Variants in RETREG3 observed in about 807,000 individuals in gnomAD.
The protein encoded by RETREG3 is reticulophagy regulator family member 3.
In RETREG3, 23 loss-of-function variants were observed where a neutral mutation model predicts 50.2. The ratio of observed to expected loss-of-function variants is 0.46; its 90% CI spans 0.33 to 0.65. The LOEUF is 0.65. Ranked by LOEUF, RETREG3 falls within the 30% of genes least tolerant of loss-of-function variation. The probability of loss-of-function intolerance (pLI) is 0.02; values close to 1 mark genes in which losing one functional copy is unlikely to be tolerated. For missense variants in RETREG3, 546 were observed against 598.0 expected, an observed-to-expected ratio of 0.91 and a Z score of 0.91; for synonymous variants, 240 against 234.4, an observed-to-expected ratio of 1.02 and a Z score of -0.22.
At chr17:42,586,188 G>T (rs762632599) in intron 4 of RETREG3, 51 bp from the exon 5 acceptor site, 1 of 1,574,118 alleles carries the variant, frequency 6.4e-7, no homozygotes, top group South Asian at 1.1e-5. Flanking sequence ...CAGGGGACTG[G>T]GGTGGGTGTG....
At position 42,585,161 on chromosome 17, in the gene RETREG3, G is replaced by A. The variant is rs767410129; in HGVS notation, c.691C>T (p.Arg231Cys). Reference protein sequence around the residue: ...PALQRLDFSVRGYMMSKQRER... With the variant: ...PALQRLDFSVCGYMMSKQRER... ...CTCTGCTTGGACATCATGTAGCCAC[G>A]GACACTGAAGTCTAGCCGCTGCAGA... Residue 231 changes from arginine (R) to cysteine (C), a missense_variant, in exon 6 of 9, where the codon CGT becomes TGT. Coordinates refer to ENST00000309428, the MANE Select transcript of RETREG3 (RefSeq NM_178126.4). The A allele has an allele frequency of 7.4e-6, 12 of 1,613,462 alleles. No individual in the cohort carries two copies. Among genetic ancestry groups the A allele is most frequent in the Non-Finnish European group, 4.2e-6 (5 of 1,180,034 alleles).
At chr17:42,586,184 A>C in intron 4 of RETREG3, 47 bp from the exon 5 acceptor site, 1 of 1,588,508 alleles carries the variant, frequency 6.3e-7, no homozygotes, top group Non-Finnish European at 8.6e-7. Flanking sequence ...ATGGCAGGGG[A>C]CTGGGGTGGG....
intron 1 of RETREG3, among the ~76,000 whole-genome samples, chr17:42,597,191 CT>C (rs35711566): frequency 1.0e-3 from 136 of 129,988 alleles, no homozygotes; most frequent in East Asian, 3.5e-3. Context: ...TCTATTTTTT[CT>C]TTTTTTTTTT....
chr17:42,600,134 A>G (rs1042983875), intron 1 of RETREG3, among the ~76,000 whole-genome samples: 1 of 152,062 alleles, frequency 6.6e-6, no homozygotes, highest in Non-Finnish European at 1.5e-5. Context: ...TGTAATCCCA[A>G]TACTTTGGGA....
chr17:42,595,663 TTTC>T (rs1244092678), intron 1 of RETREG3, among the ~76,000 whole-genome samples: 2 of 149,262 alleles, frequency 1.3e-5, no homozygotes, highest in Non-Finnish European at 3.0e-5. Context: ...TATTTCTTTC[TTTC>T]TTTTTTTTTT....
intron 1 of RETREG3, among the ~76,000 whole-genome samples, chr17:42,600,242 G>T (rs1368519687): frequency 6.6e-6 from 1 of 152,016 alleles, no homozygotes; most frequent in Non-Finnish European, 1.5e-5. Context: ...CATTAGCTAG[G>T]TGTGGTGGTG....
chr17:42,595,413 T>C (rs2093142134), intron 1 of RETREG3, among the ~76,000 whole-genome samples: 1 of 151,682 alleles, frequency 6.6e-6, no homozygotes, highest in South Asian at 2.1e-4. Context: ...CCTTTTTTTT[T>C]TCTTCAGAGT....
chr17:42,592,517 C>G (rs2093135268), intron 1 of RETREG3, among the ~76,000 whole-genome samples: 1 of 152,082 alleles, frequency 6.6e-6, no homozygotes, highest in Non-Finnish European at 1.5e-5. Context: ...CAAATTAGAC[C>G]CTAGTGTAGG....
intron 1 of RETREG3, among the ~76,000 whole-genome samples, chr17:42,593,375 C>T (rs964926614): frequency 2.6e-5 from 4 of 151,982 alleles, no homozygotes; most frequent in African/African-American, 9.7e-5. Flanking sequence ...TGAGGCCAGG[C>T]GTGGTGGTTC....
chr17:42,606,540 G>A (rs556777515), intron 1 of RETREG3, among the ~76,000 whole-genome samples: 10 of 151,538 alleles, frequency 6.6e-5, no homozygotes, highest in Non-Finnish European at 1.0e-4. Flanking sequence ...GGCAGAGCTT[G>A]CAGTGGGCCG....
intron 6 of RETREG3, among the ~76,000 whole-genome samples, chr17:42,584,312 A>C (rs1489227885): frequency 6.6e-6 from 1 of 152,156 alleles, no homozygotes; most frequent in Admixed American, 6.5e-5. Flanking sequence ...GGCCTTGGTG[A>C]CCAAGTGCAG....
chr17:42,594,970 T>TC (rs1217682091), intron 1 of RETREG3, among the ~76,000 whole-genome samples: 1 of 146,254 alleles, frequency 6.8e-6, no homozygotes, highest in African/African-American at 2.5e-5. Context: ...TTACTTTTTT[T>TC]TTTTTTTTTT....
At chr17:42,601,750 A>G (rs1455451991) in intron 1 of RETREG3, among the ~76,000 whole-genome samples, 1 of 143,382 alleles carries the variant, frequency 7.0e-6, no homozygotes, top group Non-Finnish European at 1.5e-5. Flanking sequence ...CTCCTGCCTC[A>G]GCCTCCCAAG....
chr17:42,593,522 C>T (rs1279419092), intron 1 of RETREG3, among the ~76,000 whole-genome samples: 53 of 151,790 alleles, frequency 3.5e-4, no homozygotes, highest in Non-Finnish European at 1.5e-5. Context: ...TGGTGGCGGG[C>T]GCCTGTAGTC....
intron 2 of RETREG3, among the ~76,000 whole-genome samples, chr17:42,591,791 T>C (rs2093133798): frequency 6.6e-6 from 1 of 152,190 alleles, no homozygotes; most frequent in Non-Finnish European, 1.5e-5. Context: ...GACTACTTAT[T>C]CCTCAGGCCA....
intron 1 of RETREG3, among the ~76,000 whole-genome samples, chr17:42,604,706 A>C (rs567139205): frequency 7.9e-5 from 12 of 151,816 alleles, no homozygotes; most frequent in African/African-American, 2.2e-4. Flanking sequence ...AAAAAAAAAA[A>C]AAAAAAAAAA....
chr17:42,590,071 G>A (rs2093129455), intron 2 of RETREG3, among the ~76,000 whole-genome samples: 1 of 152,074 alleles, frequency 6.6e-6, no homozygotes, highest in Non-Finnish European at 1.5e-5. Context: ...GGGCGTAGTG[G>A]TGCACGCCTG....
intron 4 of RETREG3, chr17:42,586,543 C>T (rs2093121584): frequency 4.3e-6 from 2 of 463,602 alleles, no homozygotes; most frequent in Non-Finnish European, 7.7e-6. Flanking sequence ...AGCAAGAAAA[C>T]GGCCTCATCT....
intron 8 of RETREG3, 33 bp from the exon 9 acceptor site, chr17:42,582,303 ACCTACCTGGCCCT>A: frequency 1.3e-6 from 2 of 1,569,206 alleles, no homozygotes; most frequent in Non-Finnish European, 1.7e-6. Flanking sequence ...GAGTCATGGC[ACCTACCTGGCCCT>A]CCTGTGCCCC....
Sources: gnomAD v4.1 joint callset for allele counts (sites outside exome capture counted in the v4.1 genomes callset) on GRCh38, gnomAD v4.1.1 for gene constraint, MANE v1.5 for transcripts, NCBI Gene and HGNC (gene_info 2026-07-23, HGNC 2026-07-21) for gene names.